The following SENP1 variants were observed in gnomAD, a reference collection of about 807,000 sequenced individuals.
SENP1 encodes sentrin-specific protease 1.
In SENP1, 21 loss-of-function variants were observed where a neutral mutation model predicts 93.0. The ratio of observed to expected loss-of-function variants is 0.23; its 90% CI spans 0.16 to 0.33. The LOEUF is 0.33. Ranked by LOEUF, SENP1 falls within the 10% of genes least tolerant of loss-of-function variation. The probability of loss-of-function intolerance (pLI) is 1.00; values close to 1 mark genes in which losing one functional copy is unlikely to be tolerated. For missense variants in SENP1, 591 were observed against 758.7 expected, an observed-to-expected ratio of 0.78 and a Z score of 2.60; for synonymous variants, 256 against 259.6, an observed-to-expected ratio of 0.99 and a Z score of 0.13.
At position 48,075,586 on chromosome 12, in the gene SENP1, T is replaced by C. The variant is rs770381635; in HGVS notation, c.553-793A>G. 2.0e-5 allele frequency among the ~76,000 whole-genome samples: 3 copies of C among 152,318 alleles called. No homozygotes were observed. In the South Asian group the frequency reaches 6.2e-4, roughly 32 times the overall value. ...AGAGACAATATTCATCTCCAACATG[T>C]ATTTATTTTTCCTGTAAGACCCAAT... is the stretch of plus-strand genomic sequence containing the variant. On this transcript the variant is annotated intron_variant, in intron 6 of 17. Transcript: ENST00000549518.
chr12:48,101,213 G>T (rs1945913165), intron 2 of SENP1, among the ~76,000 whole-genome samples: 1 of 152,218 alleles, frequency 6.6e-6, no homozygotes, highest in African/African-American at 2.4e-5. Context: ...TTGAACCCAG[G>T]AGACAGAGGT....
rs1044224549 is a variant in SENP1, at chr12:48,083,619, T to C, written c.524A>G (p.Gln175Arg). 1 of 1,613,904 alleles carries C rather than the reference T, an allele frequency of 6.2e-7. No homozygotes were observed. The highest frequency in any genetic ancestry group is 8.5e-7 in the Non-Finnish European group (1 of 1,179,830). The change falls in exon 6 of 18, where the codon CAG becomes CGG. Residue 175 changes from glutamine (Q) to arginine (R), a missense_variant. Physicochemically the swap from Gln to Arg is conservative, Grantham distance 43 (BLOSUM62 1). Around this residue, in one of 4 missense-constraint regions of SENP1, gnomAD observed 214 missense variants for 243.4 expected, o/e 0.88. Transcript: ENST00000549518. ...RRSLLSPKKT[Q>R]RRHVSTAEET... ...TTCTGCTGTACTAACATGTCGCCTCTGAGTTTTCTTGGGGCTCAAAAGACT... is the reference window on the plus strand; with the variant it reads ...TTCTGCTGTACTAACATGTCGCCTCCGAGTTTTCTTGGGGCTCAAAAGACT...
At position 48,049,084 on chromosome 12, in the gene SENP1, C is replaced by A; in HGVS notation, c.1456G>T (p.Gly486Cys). The change falls in exon 14 of 18, where the codon GGC (glycine) becomes TGC (cysteine). Residue 486 changes from glycine to cysteine, a missense_variant. By Grantham distance (159) the Gly-to-Cys change is radical. Transcript: ENST00000549518. ...NMLMERSKEK[G>C]LPSVHAFNTF... ...TTAAATGCATGCACACTTGGCAAGC[C>A]CTTCTCTTTACTTCGCTCCATCAGC... 1.7e-5 allele frequency: 28 copies of A among 1,613,640 alleles called. No individual in the cohort carries two copies. The highest frequency in any genetic ancestry group is 2.4e-5 in the Non-Finnish European group (28 of 1,179,652).
chr12:48,061,811 T>C (rs1018321717), intron 13 of SENP1, among the ~76,000 whole-genome samples: 4 of 152,206 alleles, frequency 2.6e-5, no homozygotes, highest in Non-Finnish European at 5.9e-5. Flanking sequence ...GCCTACGAAG[T>C]ATGGTACTTT....
At chr12:48,048,279 C>A (rs1261926073) in intron 14 of SENP1, among the ~76,000 whole-genome samples, 199 bp from the exon 15 acceptor site, 2 of 152,160 alleles carry the variant, frequency 1.3e-5, no homozygotes, top group Non-Finnish European at 2.9e-5. Flanking sequence ...TATGATGGCA[C>A]TCATCAACAG....
At position 48,101,521 on chromosome 12, in the gene SENP1, A is replaced by G; in HGVS notation, c.-44-5T>C. The G allele has an allele frequency of 6.5e-7, 1 of 1,536,278 alleles. No individual in the cohort carries two copies. The highest frequency in any genetic ancestry group is 8.9e-7 in the Non-Finnish European group (1 of 1,121,480). ...CTTTAGCAAAGATACAAAGTCCTAT[A>G]AAAGAAGACACAAAACAGAAAAATT... On this transcript the variant is annotated splice_region_variant and splice_polypyrimidine_tract_variant and intron_variant, in intron 1 of 17. Transcript: ENST00000549518.
chr12:48,068,492 G>A (rs540585139), intron 9 of SENP1, among the ~76,000 whole-genome samples: 32 of 152,156 alleles, frequency 2.1e-4, no homozygotes, highest in Admixed American at 1.4e-3. Context: ...AAATGAAAAA[G>A]GAGGTTCAAA....
At chr12:48,072,324 T>C (rs574832315) in intron 8 of SENP1, among the ~76,000 whole-genome samples, 1 of 152,322 alleles carries the variant, frequency 6.6e-6, no homozygotes, top group South Asian at 2.1e-4. Context: ...GCAGTGCTTG[T>C]GTTCAGTAAC....
At chr12:48,100,989 A>G (rs1464514914) in intron 2 of SENP1, among the ~76,000 whole-genome samples, 1 of 152,234 alleles carries the variant, frequency 6.6e-6, no homozygotes, top group East Asian at 1.9e-4. Flanking sequence ...GTTCTAACCA[A>G]AAGATAATTA....
intron 13 of SENP1, among the ~76,000 whole-genome samples, chr12:48,055,948 T>C (rs1942233957): frequency 7.4e-6 from 1 of 135,912 alleles, no homozygotes; most frequent in South Asian, 2.2e-4. Context: ...CATATATTAA[T>C]AATATATGTA....
chr12:48,074,800 G>T lies in SENP1; in HGVS notation c.553-7C>A, dbSNP rs755364873. On this transcript the variant is annotated splice_region_variant and splice_polypyrimidine_tract_variant and intron_variant, in intron 6 of 17. Coordinates refer to ENST00000549518, the MANE Select transcript of SENP1 (RefSeq NM_001267594.2). ...TTTCTTCTTCTTGAACTGTCTATAAGAAAACAAAAAAAAAAAACAGTTTAA... is the reference window on the plus strand; with the variant it reads ...TTTCTTCTTCTTGAACTGTCTATAATAAAACAAAAAAAAAAAACAGTTTAA... 4.2e-6 allele frequency: 6 copies of T among 1,427,136 alleles called. No homozygotes were observed. Among genetic ancestry groups the T allele is most frequent in the Non-Finnish European group, 5.6e-6 (6 of 1,063,256 alleles). The allele number at this position is 1,427,136 out of a possible 1,614,324, so 88.4% of individuals were successfully genotyped here. A position where few individuals can be genotyped will look rare whatever the true frequency, so the allele number is the denominator to read the frequency against.
At chr12:48,089,486 G>C (rs1945090607) in intron 4 of SENP1, among the ~76,000 whole-genome samples, 1 of 152,190 alleles carries the variant, frequency 6.6e-6, no homozygotes, top group Non-Finnish European at 1.5e-5. Context: ...GTTGGCTTAT[G>C]GCAAGGAATG....
intron 4 of SENP1, among the ~76,000 whole-genome samples, chr12:48,095,535 C>CAA (rs3054235): frequency 0.24 from 20,257 of 85,458 alleles, 2,281 homozygotes; most frequent in East Asian, 0.5. Flanking sequence ...GACTCTGTGT[C>CAA]AAAAAAAAAA....
intron 6 of SENP1, among the ~76,000 whole-genome samples, chr12:48,079,555 T>C (rs1305617692): frequency 2.0e-5 from 3 of 152,100 alleles, no homozygotes; most frequent in Admixed American, 6.6e-5. Context: ...TTGCATAGCA[T>C]GATAAAGTTA....
chr12:48,054,351 C>G (rs61918774), intron 13 of SENP1, among the ~76,000 whole-genome samples: 25,338 of 152,168 alleles, frequency 0.17, 2,445 homozygotes, highest in East Asian at 0.28. Flanking sequence ...ACCCCTTTAT[C>G]ATTAAGAAAT....
chr12:48,064,961 G>C, intron 12 of SENP1, 104 bp downstream of exon 12: 6 of 810,784 alleles, frequency 7.4e-6, no homozygotes, highest in Non-Finnish European at 1.2e-5. Flanking sequence ...ACAGGCGTGA[G>C]CCACCGTGCC....
intron 2 of SENP1, chr12:48,099,094 G>C (rs946735230): frequency 6.6e-6 from 1 of 152,204 alleles, no homozygotes; most frequent in Non-Finnish European, 1.5e-5. Context: ...GGCTGAGGCA[G>C]ACGAATGGCT....
chr12:48,065,146 A>G lies in SENP1; in HGVS notation c.1194T>C (p.Ile398=), dbSNP rs867650460. Residue 398 remains isoleucine, a synonymous_variant, in exon 12 of 18, where the codon ATT becomes ATC. Coordinates refer to ENST00000549518, the MANE Select transcript of SENP1 (RefSeq NM_001267594.2). Reference sequence around the variant, plus strand: ...GTGTTTCTTGGACAACAGTAACAGGAATCTCCTTTTCAAGAGGTACACGAA... The same window carrying G: ...GTGTTTCTTGGACAACAGTAACAGGGATCTCCTTTTCAAGAGGTACACGAA... The part of the protein sequence containing the change: ...LHLRVPLEKE[I]PVTVVQETQK... 2.5e-5 allele frequency: 40 copies of G among 1,608,476 alleles called. 1 individual carries two copies. The Middle Eastern group carries it at 5.0e-3, about 199-fold the overall frequency.
chr12:48,072,058 G>A (rs1008587677), intron 8 of SENP1, among the ~76,000 whole-genome samples: 1 of 152,198 alleles, frequency 6.6e-6, no homozygotes, highest in Admixed American at 6.5e-5. Context: ...AGTCTTCATG[G>A]TAGTCCTCTA....
Sources: allele counts gnomAD v4.1 joint callset (sites outside exome capture counted in the v4.1 genomes callset), GRCh38; gene constraint gnomAD v4.1.1; regional missense constraint gnomAD v4.1.1; transcripts MANE v1.5; gene names NCBI Gene and HGNC (gene_info 2026-07-23, HGNC 2026-07-21).